WIPF2: variants seen among roughly 807,000 people sequenced by gnomAD.
WIPF2 encodes the protein WAS/WASL-interacting protein family member 2.
In WIPF2, 23 loss-of-function variants were observed where a neutral mutation model predicts 38.8. The ratio of observed to expected loss-of-function variants is 0.59; its 90% CI spans 0.43 to 0.84. The LOEUF (loss-of-function observed/expected upper bound fraction) is 0.84, where lower values mean the gene tolerates loss of function less well. Ranked by LOEUF, WIPF2 falls within the 40% of genes least tolerant of loss-of-function variation. The pLI is 0.00. For missense variants in WIPF2, 574 were observed against 580.5 expected (o/e 0.99, Z 0.11); for synonymous variants, 210 against 223.2 (o/e 0.94, Z 0.53).
chr17:40,262,564 C>G lies in WIPF2; in HGVS notation c.236C>G (p.Ala79Gly). ...GSSGGYGSGG[A>G]ALQPKGGLFQ... Reference sequence around the variant, plus strand: ...AGTGGTGGCTATGGCTCTGGAGGAGCTGCCCTGCAGCCCAAGGGAGGTCTC... The same window carrying G: ...AGTGGTGGCTATGGCTCTGGAGGAGGTGCCCTGCAGCCCAAGGGAGGTCTC... The change falls in exon 4 of 8, where the codon GCT (alanine) becomes GGT (glycine). Residue 79 changes from alanine to glycine, a missense_variant. Transcript: ENST00000323571. 1 of 1,614,048 alleles carries G rather than the reference C, an allele frequency of 6.2e-7. No individual in the cohort carries two copies. Among genetic ancestry groups the G allele is most frequent in the Non-Finnish European group, 8.5e-7 (1 of 1,179,940 alleles).
Position 40,278,174 on chromosome 17 carries a change from T to A in WIPF2, c.1283-11T>A. 6.2e-7 allele frequency: 1 copy of A among 1,610,680 alleles called. No individual in the cohort carries two copies. The highest frequency in any genetic ancestry group is 8.5e-7 in the Non-Finnish European group (1 of 1,178,388). On this transcript the variant is annotated splice_polypyrimidine_tract_variant and intron_variant, in intron 7 of 7. Transcript: ENST00000323571. ...CTGTATGTGTGTGGTCTTTATTTTGTTTTTTTTCAGCTGCCCGTGGAGCCC... is the reference window on the plus strand; with the variant it reads ...CTGTATGTGTGTGGTCTTTATTTTGATTTTTTTCAGCTGCCCGTGGAGCCC...
intron 1 of WIPF2, among the ~76,000 whole-genome samples, chr17:40,255,469 G>T (rs1001512028): frequency 1.3e-4 from 19 of 151,830 alleles, no homozygotes; most frequent in African/African-American, 4.3e-4. Flanking sequence ...GGGATTACAG[G>T]CATGTGCCAC....
chr17:40,227,287 C>T (rs2030535993), intron 1 of WIPF2, among the ~76,000 whole-genome samples: 1 of 152,108 alleles, frequency 6.6e-6, no homozygotes, highest in Non-Finnish European at 1.5e-5. Flanking sequence ...GATCTGCCTG[C>T]CTCGGCCTTC....
At position 40,264,808 on chromosome 17, in the gene WIPF2, C is replaced by T. The variant is rs1567722364; in HGVS notation, c.632C>T (p.Pro211Leu). Residue 211 changes from proline to leucine, a missense_variant, in exon 5 of 8, where the codon CCG (proline) becomes CTG (leucine). By Grantham distance (98) the Pro-to-Leu change is moderately conservative. Coordinates refer to ENST00000323571, the MANE Select transcript of WIPF2 (RefSeq NM_133264.5). ...PAYNREKPLPPTPGQRLHPGR... is the reference protein window; with the variant it reads ...PAYNREKPLPLTPGQRLHPGR... ...TACAACAGAGAGAAACCCTTGCCACCGACGCCTGGACAAAGGCTTCACCCT... is the reference window on the plus strand; with the variant it reads ...TACAACAGAGAGAAACCCTTGCCACTGACGCCTGGACAAAGGCTTCACCCT... 1.8e-5 allele frequency: 29 copies of T among 1,613,608 alleles called. No individual in the cohort carries two copies. The highest frequency in any genetic ancestry group is 2.4e-5 in the Non-Finnish European group (28 of 1,179,802).
intron 6 of WIPF2, among the ~76,000 whole-genome samples, chr17:40,275,865 C>G (rs1331807816): frequency 2.6e-5 from 4 of 152,208 alleles, no homozygotes. Context: ...CCATGCCCAG[C>G]TTCTAGATTC....
At chr17:40,242,868 G>C (rs1444084008) in intron 1 of WIPF2, among the ~76,000 whole-genome samples, 1 of 152,188 alleles carries the variant, frequency 6.6e-6, no homozygotes, top group Non-Finnish European at 1.5e-5. Flanking sequence ...TCCCAGTGCT[G>C]TACTTCAGTG....
intron 2 of WIPF2, 135 bp downstream of exon 2, chr17:40,256,657 T>A: frequency 8.0e-7 from 1 of 1,252,290 alleles, no homozygotes; most frequent in Non-Finnish European, 1.1e-6. Flanking sequence ...TCCTATTCTT[T>A]AATTCTGTTT....
At chr17:40,256,131 C>G (rs1039204440) in intron 1 of WIPF2, among the ~76,000 whole-genome samples, 1 of 148,180 alleles carries the variant, frequency 6.7e-6, no homozygotes, top group Admixed American at 6.7e-5. Flanking sequence ...GACACAAGGC[C>G]TAAATAGACA....
At chr17:40,266,756 T>A (rs993405746) in intron 5 of WIPF2, among the ~76,000 whole-genome samples, 1 of 151,708 alleles carries the variant, frequency 6.6e-6, no homozygotes, top group Non-Finnish European at 1.5e-5. Flanking sequence ...AGGGAAAAAA[T>A]TGAATCAGAA....
At chr17:40,230,553 C>T (rs1034257985) in intron 1 of WIPF2, among the ~76,000 whole-genome samples, 4 of 152,066 alleles carry the variant, frequency 2.6e-5, no homozygotes, top group African/African-American at 9.7e-5. Context: ...ATAGGTCCTG[C>T]AAATCAAACT....
chr17:40,228,295 G>T (rs1183409275), intron 1 of WIPF2, among the ~76,000 whole-genome samples: 1 of 151,962 alleles, frequency 6.6e-6, no homozygotes, highest in Non-Finnish European at 1.5e-5. Context: ...GATTACAGGC[G>T]TGAGCCACCG....
chr17:40,219,385 GCGGCGGCGGCGGCGA>G lies in WIPF2; in HGVS notation c.-171_-157del, dbSNP rs2030064080. ...AGGGGCGGTGGCGGCGGCGGCGGCG[GCGGCGGCGGCGGCGA>G]CGGCGAGAAAGAGCTTGCCGGGGGG... On this transcript the variant is annotated 5_prime_UTR_variant, in exon 1 of 8. Coordinates refer to ENST00000323571, the MANE Select transcript of WIPF2 (RefSeq NM_133264.5). The G allele has an allele frequency of 4.8e-6, 2 of 416,466 alleles. No individual in the cohort carries two copies. 25.8% of individuals were successfully genotyped at this position (416,466 alleles called of 1,614,324 possible). A position where few individuals can be genotyped will look rare whatever the true frequency, so the allele number is the denominator to read the frequency against.
At chr17:40,268,719 T>C (rs1488780798) in intron 5 of WIPF2, among the ~76,000 whole-genome samples, 1 of 152,068 alleles carries the variant, frequency 6.6e-6, no homozygotes, top group Non-Finnish European at 1.5e-5. Context: ...ATGTGAGCAA[T>C]TGTACCTGGC....
intron 5 of WIPF2, among the ~76,000 whole-genome samples, chr17:40,272,956 G>A (rs751216318): frequency 6.6e-6 from 1 of 152,196 alleles, no homozygotes; most frequent in Non-Finnish European, 1.5e-5. Context: ...GCAATAAGAA[G>A]GGAAGAGGAG....
chr17:40,257,245 G>A lies in WIPF2; in HGVS notation c.63+723G>A, dbSNP rs920815698. Among the ~76,000 whole-genome samples the A allele has an allele frequency of 4.6e-5, 7 of 152,004 alleles. No individual in the cohort carries two copies. In the South Asian group the frequency reaches 8.3e-4, roughly 18 times the overall value. Reference sequence around the variant, plus strand: ...TCCTGCCTTGGCCTCCCAAAGTGCCGGGATTACAGGTGTGAGCCACCGCGC... The same window carrying A: ...TCCTGCCTTGGCCTCCCAAAGTGCCAGGATTACAGGTGTGAGCCACCGCGC... On this transcript the variant is annotated intron_variant, in intron 2 of 7. Transcript: ENST00000323571.
Position 40,264,608 on chromosome 17 carries a change from A to G in WIPF2, c.432A>G (p.Ser144=), listed in dbSNP as rs1005892615. The G allele has an allele frequency of 1.2e-6, 2 of 1,613,842 alleles. No individual in the cohort carries two copies. The highest frequency in any genetic ancestry group is 2.2e-5 in the East Asian group (1 of 44,850). The change falls in exon 5 of 8, where the codon TCA becomes TCG. Residue 144 remains serine, a synonymous_variant. Coordinates refer to ENST00000323571, the MANE Select transcript of WIPF2 (RefSeq NM_133264.5). ...PQDDTDSSRA[S]LPELPRMQRP... is the part of the protein sequence containing the mutation. ...ATGATACAGACAGCAGCCGGGCCTCACTCCCAGAACTGCCCCGGATGCAGA... is the reference window on the plus strand; with the variant it reads ...ATGATACAGACAGCAGCCGGGCCTCGCTCCCAGAACTGCCCCGGATGCAGA...
intron 2 of WIPF2, among the ~76,000 whole-genome samples, chr17:40,258,750 A>C (rs2031807526): frequency 6.6e-6 from 1 of 151,682 alleles, no homozygotes; most frequent in Non-Finnish European, 1.5e-5. Flanking sequence ...GAAGTTGAGG[A>C]AGTAGAATGT....
At chr17:40,225,801 C>T (rs2030457527) in intron 1 of WIPF2, among the ~76,000 whole-genome samples, 2 of 152,218 alleles carry the variant, frequency 1.3e-5, no homozygotes, top group African/African-American at 4.8e-5. Context: ...GGACTACAGG[C>T]GCACGCCACT....
intron 6 of WIPF2, among the ~76,000 whole-genome samples, chr17:40,276,008 A>G (rs1207176385): frequency 6.6e-6 from 1 of 152,192 alleles, no homozygotes; most frequent in Non-Finnish European, 1.5e-5. Flanking sequence ...AGCCGCACTT[A>G]CAGAAAATTT....
Sources: allele counts gnomAD v4.1 joint callset (sites outside exome capture counted in the v4.1 genomes callset), GRCh38; gene constraint gnomAD v4.1.1; transcripts MANE v1.5; gene names NCBI Gene and HGNC (gene_info 2026-07-23, HGNC 2026-07-21).